ZNF461: variants seen among roughly 807,000 people sequenced by gnomAD.
ZNF461 encodes the protein zinc finger protein 461.
A neutral mutation model predicts 18.3 loss-of-function variants in ZNF461; 16 were observed. That is an observed-to-expected ratio of 0.88 (90% CI 0.59 to 1.33). The LOEUF (loss-of-function observed/expected upper bound fraction) is 1.33, where lower values mean the gene tolerates loss of function less well. Ranked by LOEUF, ZNF461 falls within the 40% of genes most tolerant of loss-of-function variation. ZNF461 has a pLI of 0.00. For missense variants in ZNF461, 595 were observed against 669.9 expected (o/e 0.89, Z 1.23); for synonymous variants, 179 against 216.9 (o/e 0.83, Z 1.54).
At chr19:36,661,442 A>G (rs1205572724) in intron 2 of ZNF461, among the ~76,000 whole-genome samples, 1 of 152,034 alleles carries the variant, frequency 6.6e-6, no homozygotes, top group Non-Finnish European at 1.5e-5. Context: ...ATTAAATACT[A>G]AAAAAATAAG....
intron 4 of ZNF461, among the ~76,000 whole-genome samples, chr19:36,653,835 T>C (rs1703402776): frequency 6.6e-6 from 1 of 151,942 alleles, no homozygotes; most frequent in African/African-American, 2.4e-5. Flanking sequence ...AAAAGAGAAA[T>C]GGGATAAGTA....
At chr19:36,658,952 G>A (rs191200156) in intron 2 of ZNF461, among the ~76,000 whole-genome samples, 388 of 152,218 alleles carry the variant, frequency 2.5e-3, no homozygotes, top group Non-Finnish European at 4.0e-3. Context: ...TCCAATTGGC[G>A]TAAAGGTCTG....
At chr19:36,658,135 A>C (rs1006936637) in intron 3 of ZNF461, 164 bp downstream of exon 3, 18 of 668,692 alleles carry the variant, frequency 2.7e-5, no homozygotes, top group Non-Finnish European at 3.7e-5. Flanking sequence ...ATGTACCTCC[A>C]TTTAGCTGTG....
chr19:36,664,493 TG>T (rs2037869396), intron 2 of ZNF461, among the ~76,000 whole-genome samples: 1 of 151,194 alleles, frequency 6.6e-6, no homozygotes. Flanking sequence ...GAGGCTGAAG[TG>T]GGAGAATCGC....
At chr19:36,643,571 TTTAC>T (rs1183299655) in intron 5 of ZNF461, 1 of 312,992 alleles carries the variant, frequency 3.2e-6, no homozygotes, top group Non-Finnish European at 5.7e-6. Context: ...ATTTGCCTTT[TTTAC>T]TTATTCTCTT....
At chr19:36,655,198 G>A (rs2037695269) in intron 4 of ZNF461, among the ~76,000 whole-genome samples, 1 of 151,762 alleles carries the variant, frequency 6.6e-6, no homozygotes, top group South Asian at 2.1e-4. Context: ...CTTTTGCTAT[G>A]TTGCCCAGAC....
chr19:36,649,956 CATG>C (rs1440962633), intron 4 of ZNF461, among the ~76,000 whole-genome samples: 1 of 152,094 alleles, frequency 6.6e-6, no homozygotes, highest in East Asian at 1.9e-4. Flanking sequence ...GTGGGTGGAT[CATG>C]AGGTCAGGAG....
rs1011538903 is a variant in ZNF461, at chr19:36,640,014, A to G, written c.331T>C (p.Leu111=). 2.0e-5 allele frequency: 32 copies of G among 1,612,106 alleles called. No homozygotes were observed. The highest frequency in any genetic ancestry group is 2.7e-5 in the Non-Finnish European group (32 of 1,178,826). The change falls in exon 6 of 6, where the codon TTA becomes CTA. Residue 111 remains leucine (L), a synonymous_variant. Coordinates refer to ENST00000588268, the MANE Select transcript of ZNF461 (RefSeq NM_153257.5). ...TCATAAATATCCCTTTTTGGAGATAACTTCTGGGGCTCATCTCTGGATGCC... is the reference window on the plus strand; with the variant it reads ...TCATAAATATCCCTTTTTGGAGATAGCTTCTGGGGCTCATCTCTGGATGCC... ...DLASRDEPQK[L]SPKRDIYETE...
chr19:36,666,557 A>G (rs1185307823), intron 1 of ZNF461, 133 bp downstream of exon 1: 1 of 152,972 alleles, frequency 6.5e-6, no homozygotes, highest in African/African-American at 2.4e-5. Context: ...TCCCAACAGT[A>G]ACACACAGCC....
chr19:36,663,051 G>T (rs768165216), intron 2 of ZNF461, among the ~76,000 whole-genome samples: 18 of 152,088 alleles, frequency 1.2e-4, no homozygotes, highest in Non-Finnish European at 2.2e-4. Context: ...AGGAGGTAAT[G>T]CTATGATATT....
intron 5 of ZNF461, among the ~76,000 whole-genome samples, chr19:36,642,766 G>C (rs543469813): frequency 8.0e-5 from 12 of 150,332 alleles, no homozygotes; most frequent in African/African-American, 2.5e-4. Context: ...TTGGTGGGGG[G>C]GGGTGGGGCA....
rs1329114582 is a variant in ZNF461, at chr19:36,643,791, T to C, written c.301+3A>G. On this transcript the variant is annotated splice_donor_region_variant and intron_variant, in intron 5 of 5. Transcript: ENST00000588268. ...TACTCTTAAAAACTGTATTTATTTA[T>C]ACCTGCATTTATGTCTGTAGCCTCA... 1 of 1,529,038 alleles carries C rather than the reference T, an allele frequency of 6.5e-7. No individual in the cohort carries two copies. Among genetic ancestry groups the C allele is most frequent in the South Asian group, 1.3e-5 (1 of 79,024 alleles). 94.7% of individuals were successfully genotyped at this position (1,529,038 alleles called of 1,614,324 possible). A position where few individuals can be genotyped will look rare whatever the true frequency, so the allele number is the denominator to read the frequency against.
intron 2 of ZNF461, among the ~76,000 whole-genome samples, chr19:36,660,832 T>C (rs902196574): frequency 6.6e-6 from 1 of 151,992 alleles, no homozygotes; most frequent in African/African-American, 2.4e-5. Context: ...TATAGAAGAA[T>C]AAAGAGTGTT....
intron 4 of ZNF461, 42 bp from the exon 5 acceptor site, chr19:36,643,904 T>A: frequency 1.5e-6 from 2 of 1,350,584 alleles, no homozygotes; most frequent in Non-Finnish European, 2.0e-6. Context: ...TTTAGAATAA[T>A]ATTTTATTAT....
At chr19:36,640,593 T>C (rs747197741) in intron 5 of ZNF461, among the ~76,000 whole-genome samples, 3 of 152,190 alleles carry the variant, frequency 2.0e-5, no homozygotes, top group Non-Finnish European at 2.9e-5. Flanking sequence ...TATTATGTAA[T>C]ACCATCTGAG....
chr19:36,658,209 T>C (rs914270628), intron 3 of ZNF461, 90 bp downstream of exon 3: 3 of 1,374,254 alleles, frequency 2.2e-6, no homozygotes, highest in African/African-American at 2.9e-5. Flanking sequence ...CCTAAATTAA[T>C]AGGGGGGAAA....
rs1292936906 is a variant in ZNF461, at chr19:36,638,402, G to T, written c.*251C>A. The T allele has an allele frequency of 3.2e-6, 1 of 308,934 alleles. No individual in the cohort carries two copies. Among genetic ancestry groups the T allele is most frequent in the South Asian group, 8.7e-5 (1 of 11,438 alleles). The allele number at this position is 308,934 out of a possible 1,614,324, so 19.1% of individuals were successfully genotyped here. ...ACTGTTTCAGTGAAATATTTCACTGGTTTCAGTGAAACATGTAATTTTAGA... is the reference window on the plus strand; with the variant it reads ...ACTGTTTCAGTGAAATATTTCACTGTTTTCAGTGAAACATGTAATTTTAGA... On this transcript the variant is annotated 3_prime_UTR_variant, in exon 6 of 6. Transcript: ENST00000588268.
rs2037305535 is a variant in ZNF461, at chr19:36,637,051, G to C, written c.*1602C>G. 2 of 152,030 alleles carry C rather than the reference G, an allele frequency of 1.3e-5. No individual in the cohort carries two copies. The highest frequency in any genetic ancestry group is 6.6e-5 in the Admixed American group (1 of 15,262). The allele number at this position is 152,030 out of a possible 1,614,324, so 9.4% of individuals were successfully genotyped here. On this transcript the variant is annotated 3_prime_UTR_variant, in exon 6 of 6. Coordinates refer to ENST00000588268, the MANE Select transcript of ZNF461 (RefSeq NM_153257.5). ...CAACTTATTGTCCCATATTTTTATG[G>C]CCAGTTTATGCAGGCACTCCACAAG...
Position 36,639,479 on chromosome 19 carries a change from G to A in ZNF461, c.866C>T (p.Thr289Ile). The A allele has an allele frequency of 1.2e-6, 2 of 1,613,970 alleles. No individual in the cohort carries two copies. The highest frequency in any genetic ancestry group is 1.7e-6 in the Non-Finnish European group (2 of 1,179,978). ...ACCAGTGTGAATTCTTTGATGTAGA[G>A]TAAGTTCTGAGCCATAATTAAAGGC... ...GKAFNYGSELTLHQRIHTGEK... is the reference protein window; with the variant it reads ...GKAFNYGSELILHQRIHTGEK... Residue 289 changes from threonine (T) to isoleucine (I), a missense_variant, in exon 6 of 6, where the codon ACT becomes ATT. Coordinates refer to ENST00000588268, the MANE Select transcript of ZNF461 (RefSeq NM_153257.5).
Sources: allele counts gnomAD v4.1 joint callset (sites outside exome capture counted in the v4.1 genomes callset), GRCh38; gene constraint gnomAD v4.1.1; transcripts MANE v1.5; gene names NCBI Gene and HGNC (gene_info 2026-07-23, HGNC 2026-07-21).